CDC25B: variants seen among roughly 807,000 people sequenced by gnomAD.
CDC25B encodes M-phase inducer phosphatase 2.
In CDC25B, 33 loss-of-function variants were observed where a neutral mutation model predicts 69.8. The observed-to-expected ratio is 0.47, with a 90% CI of 0.36 to 0.63. The LOEUF (loss-of-function observed/expected upper bound fraction) is 0.63, where lower values mean the gene tolerates loss of function less well. Among genes scored for constraint, CDC25B ranks in the 30% least tolerant of loss-of-function variants. The pLI is 0.00. For missense variants in CDC25B, 727 were observed against 809.1 expected (o/e 0.90, Z 1.23); for synonymous variants, 341 against 314.6 (o/e 1.08, Z -0.89).
intron 2 of CDC25B, 93 bp from the exon 3 acceptor site, chr20:3,798,319 T>G (rs929108245): frequency 6.2e-6 from 2 of 320,024 alleles, no homozygotes; most frequent in Non-Finnish European, 9.5e-6. Context: ...GAAACTGTTT[T>G]TTTTTTTTTT....
At position 3,797,689 on chromosome 20, in the gene CDC25B, C is replaced by T. The variant is rs575906866; in HGVS notation, c.268C>T (p.Leu90=). Residue 90 remains leucine (L), a synonymous_variant, in exon 2 of 16, where the codon CTG becomes TTG. Transcript: ENST00000245960. The part of the protein sequence containing the change: ...RSRSRLTHLS[L]SRRASESSLS... ...CCGCAGCCGCCTGACGCACCTATCC[C>T]TGTCTCGACGGGCATCCGAATCCTC... 4 of 1,614,210 alleles carry T rather than the reference C, an allele frequency of 2.5e-6. No individual in the cohort carries two copies. The East Asian group carries it at 6.7e-5, about 27-fold the overall frequency.
chr20:3,802,392 A>G lies in CDC25B; in HGVS notation c.1194+16A>G. 1 of 1,578,060 alleles carries G rather than the reference A, an allele frequency of 6.3e-7. No homozygotes were observed. Among genetic ancestry groups the G allele is most frequent in the Non-Finnish European group, 8.6e-7 (1 of 1,156,182 alleles). The stretch of plus-strand genomic sequence containing the variant: ...TTACTCTAAGGTACCTGCAGCAGCG[A>G]AGGGGGTACCTTGGGGGCTTGACCT... On this transcript the variant is annotated intron_variant, in intron 11 of 15. Coordinates refer to ENST00000245960, the MANE Select transcript of CDC25B (RefSeq NM_021873.4).
intron 3 of CDC25B, among the ~76,000 whole-genome samples, chr20:3,799,582 C>T (rs902594924): frequency 1.3e-5 from 2 of 151,904 alleles, no homozygotes; most frequent in Non-Finnish European, 2.9e-5. Flanking sequence ...TCCTGTAACA[C>T]GGCTGAGGGG....
intron 14 of CDC25B, 142 bp from the exon 15 acceptor site, chr20:3,804,427 G>T (rs1041005038): frequency 1.7e-5 from 11 of 645,664 alleles, no homozygotes; most frequent in Non-Finnish European, 2.5e-5. Flanking sequence ...ACCTAAAAGT[G>T]TTCTTGTGGT....
At chr20:3,797,499 TGC>T in intron 1 of CDC25B, 121 bp from the exon 2 acceptor site, 1 of 1,306,174 alleles carries the variant, frequency 7.7e-7, no homozygotes, top group East Asian at 2.3e-5. Flanking sequence ...TCAGGGCCAT[TGC>T]TTTCCCGGTG....
At chr20:3,802,643 C>T in intron 11 of CDC25B, 1 of 599,932 alleles carries the variant, frequency 1.7e-6, no homozygotes, top group Non-Finnish European at 3.0e-6. Context: ...CCTCATGCCT[C>T]ACCTTCGGGC....
intron 3 of CDC25B, among the ~76,000 whole-genome samples, chr20:3,799,412 C>T (rs967226014): frequency 6.6e-6 from 1 of 152,174 alleles, no homozygotes. Context: ...GGGGGCATCC[C>T]CCTCATACTT....
Position 3,803,346 on chromosome 20 carries a change from G to T in CDC25B, c.1357-58G>T. The T allele has an allele frequency of 6.2e-7, 1 of 1,611,626 alleles. No homozygotes were observed. The highest frequency in any genetic ancestry group is 8.5e-7 in the Non-Finnish European group (1 of 1,178,492). ...ACTAAGAGAAGGACAGCGACTGCAC[G>T]GGGAGGGCCCTGACTCCTGGACCCG... On this transcript the variant is annotated intron_variant, in intron 13 of 15. Transcript: ENST00000245960. The surrounding 1 kb of genome is among the most constrained non-coding windows in gnomAD (Gnocchi z 4.9).
At chr20:3,790,267 C>G (rs1279954678) in intron 1 of CDC25B, among the ~76,000 whole-genome samples, 1 of 111,266 alleles carries the variant, frequency 9.0e-6, no homozygotes, top group Non-Finnish European at 1.9e-5. Context: ...GACTCTGTCT[C>G]AAAAAAAAAA....
Position 3,796,599 on chromosome 20 carries a change from C to T in CDC25B, c.68C>T (p.Ala23Val). ...ALSPAGVCGG[A>V]QRPGHLPGLL... Reference sequence around the variant, plus strand: ...AGTCCAGCAGGCGTGTGCGGTGGCGCCCAGCGTCCGGGCCACCTCCCGGGC... The same window carrying T: ...AGTCCAGCAGGCGTGTGCGGTGGCGTCCAGCGTCCGGGCCACCTCCCGGGC... The change falls in exon 1 of 16, where the codon GCC (alanine) becomes GTC (valine). Residue 23 changes from alanine to valine, a missense_variant. By Grantham distance (64) the Ala-to-Val change is moderately conservative. Coordinates refer to ENST00000245960, the MANE Select transcript of CDC25B (RefSeq NM_021873.4). 6.9e-7 allele frequency: 1 copy of T among 1,441,870 alleles called. No homozygotes were observed. Among genetic ancestry groups the T allele is most frequent in the Non-Finnish European group, 9.1e-7 (1 of 1,101,760 alleles). 89.3% of individuals were successfully genotyped at this position (1,441,870 alleles called of 1,614,324 possible).
chr20:3,801,074 G>A lies in CDC25B; in HGVS notation c.686G>A (p.Ser229Asn), dbSNP rs1361020932. 6.2e-7 allele frequency: 1 copy of A among 1,614,074 alleles called. No homozygotes were observed. Among genetic ancestry groups the A allele is most frequent in the East Asian group, 2.2e-5 (1 of 44,884 alleles). ...AGGGAAGCCTTTGCCCAGAGACCCAGCTCGGCCCCCGACCTGATGGTACAT... is the reference window on the plus strand; with the variant it reads ...AGGGAAGCCTTTGCCCAGAGACCCAACTCGGCCCCCGACCTGATGGTACAT... ...SRREAFAQRPSSAPDLMCLSP... is the reference protein window; with the variant it reads ...SRREAFAQRPNSAPDLMCLSP... Residue 229 changes from serine (S) to asparagine (N), a missense_variant, in exon 7 of 16, where the codon AGC becomes AAC. Physicochemically the swap from Ser to Asn is conservative, Grantham distance 46. Around this residue, in one of 2 missense-constraint regions of CDC25B, gnomAD observed 368 missense variants for 345.6 expected, o/e 1.06. Transcript: ENST00000245960.
rs1376482079 is a variant in CDC25B, at chr20:3,801,809, C to T, written c.921+7C>T. 5 of 1,597,166 alleles carry T rather than the reference C, an allele frequency of 3.1e-6. No homozygotes were observed. Among genetic ancestry groups the T allele is most frequent in the Middle Eastern group, 1.7e-4 (1 of 5,948 alleles). ...GGAAAAGGAAGAGGAAAAGGTGGGC[C>T]TCTGGGGTGGCCCCCTCCGAATTTG... is the stretch of plus-strand genomic sequence containing the variant. On this transcript the variant is annotated splice_region_variant and intron_variant, in intron 9 of 15. Transcript: ENST00000245960.
chr20:3,796,510 G>A lies in CDC25B; in HGVS notation c.-22G>A. On this transcript the variant is annotated 5_prime_UTR_variant, in exon 1 of 16. Transcript: ENST00000245960. ...TGCCCTGCGCCCGGCCCTCCAGCCA[G>A]CCTTCTGCCGGCCCCGCCGCGATGG... The A allele has an allele frequency of 6.8e-7, 1 of 1,476,168 alleles. No individual in the cohort carries two copies. The highest frequency in any genetic ancestry group is 2.4e-4 in the Middle Eastern group (1 of 4,178). The allele number at this position is 1,476,168 out of a possible 1,614,324, so 91.4% of individuals were successfully genotyped here. A position where few individuals can be genotyped will look rare whatever the true frequency, so the allele number is the denominator to read the frequency against.
upstream of CDC25B, chr20:3,796,161 CCT>C: frequency 8.8e-7 from 1 of 1,135,514 alleles, no homozygotes; most frequent in Non-Finnish European, 1.1e-6. Flanking sequence ...CCACCCAAAG[CCT>C]GGAAATCCAG....
At chr20:3,799,523 TGTGC>T (rs1555774253) in intron 3 of CDC25B, among the ~76,000 whole-genome samples, 37 of 56,872 alleles carry the variant, frequency 6.5e-4, no homozygotes, top group African/African-American at 2.6e-3. Flanking sequence ...TGTGTGTGTG[TGTGC>T]GCGCGCGCGC....
At chr20:3,799,002 T>C (rs1419001733) in intron 3 of CDC25B, among the ~76,000 whole-genome samples, 1 of 151,944 alleles carries the variant, frequency 6.6e-6, no homozygotes, top group Non-Finnish European at 1.5e-5. Flanking sequence ...GGAGAGAGAG[T>C]TGGTGGGCTC....
intron 8 of CDC25B, 30 bp from the exon 9 acceptor site, chr20:3,801,692 G>T (rs2089288215): frequency 1.3e-6 from 2 of 1,545,482 alleles, no homozygotes; most frequent in Non-Finnish European, 1.8e-6. Flanking sequence ...CCTGTGGGTT[G>T]TGACCCTGTC....
chr20:3,791,246 G>C (rs538267475), intron 1 of CDC25B, among the ~76,000 whole-genome samples: 18 of 152,106 alleles, frequency 1.2e-4, no homozygotes, highest in Non-Finnish European at 2.2e-4. Flanking sequence ...GGGATATTAG[G>C]GTCAGGGGCC....
chr20:3,796,651 G>T lies in CDC25B; in HGVS notation c.120G>T (p.Leu40=). ...TCCTGCTGGGATCTCATGGCCTCCT[G>T]GGGTCCCCGGTGCGGGCGGCCGCTT... ...PGLLLGSHGL[L]GSPVRAAASS... The change falls in exon 1 of 16, where the codon CTG becomes CTT. Residue 40 remains leucine (L), a synonymous_variant. Coordinates refer to ENST00000245960, the MANE Select transcript of CDC25B (RefSeq NM_021873.4). The T allele has an allele frequency of 6.7e-7, 1 of 1,493,666 alleles. No homozygotes were observed. Among genetic ancestry groups the T allele is most frequent in the East Asian group, 2.6e-5 (1 of 38,216 alleles). 92.5% of individuals were successfully genotyped at this position (1,493,666 alleles called of 1,614,324 possible).
Sources: allele counts gnomAD v4.1 joint callset (sites outside exome capture counted in the v4.1 genomes callset), GRCh38; gene constraint gnomAD v4.1.1; regional missense constraint gnomAD v4.1.1; non-coding constraint Gnocchi (gnomAD v3.1); transcripts MANE v1.5; gene names NCBI Gene and HGNC (gene_info 2026-07-23, HGNC 2026-07-21).